The following CYP20A1 variants were observed in gnomAD, a reference collection of about 807,000 sequenced individuals.
CYP20A1 encodes the protein cytochrome P450 family 20 subfamily A member 1, also known as cytochrome P450 20A1.
CYP20A1 carries 61 observed loss-of-function variants against 61.4 expected under a neutral mutation model. That is an observed-to-expected ratio of 0.99 (90% confidence interval 0.81 to 1.23). The LOEUF (loss-of-function observed/expected upper bound fraction) is 1.23. Among genes scored for constraint, CYP20A1 ranks in the 50% most tolerant of loss-of-function variants. The probability of loss-of-function intolerance (pLI) is 0.00; values close to 1 mark genes in which losing one functional copy is unlikely to be tolerated. For missense variants in CYP20A1, 530 were observed against 542.4 expected (o/e 0.98, Z 0.23); for synonymous variants, 193 against 188.2 (o/e 1.03, Z -0.21).
chr2:203,278,540 G>T, intron 6 of CYP20A1, 33 bp from the exon 7 acceptor site: 1 of 1,066,756 alleles, frequency 9.4e-7, no homozygotes, highest in Non-Finnish European at 1.4e-6. Context: ...ACTAATGCTT[G>T]TATTCTAAAA....
Position 203,297,839 on chromosome 2 carries a change from G to A in CYP20A1, c.*931G>A, listed in dbSNP as rs1019781516. The A allele has an allele frequency of 6.6e-6, 1 of 152,116 alleles. No homozygotes were observed. Among genetic ancestry groups the A allele is most frequent in the African/African-American group, 2.4e-5 (1 of 41,372 alleles). The allele number at this position is 152,116 out of a possible 1,614,324, so 9.4% of individuals were successfully genotyped here. A position where few individuals can be genotyped will look rare whatever the true frequency, so the allele number is the denominator to read the frequency against. On this transcript the variant is annotated 3_prime_UTR_variant, in exon 13 of 13. Coordinates refer to ENST00000356079, the MANE Select transcript of CYP20A1 (RefSeq NM_177538.3). ...CTGAAAAACACACACAAAAAAATTA[G>A]CTGGGCATGGTGGCACATGCCTGTA...
At chr2:203,292,766 C>T (rs1243121893) in intron 11 of CYP20A1, among the ~76,000 whole-genome samples, 12 of 152,074 alleles carry the variant, frequency 7.9e-5, no homozygotes, top group Admixed American at 7.2e-4. Context: ...ACCTGCATCC[C>T]CATTATATCT....
chr2:203,267,540 CAA>C (rs78337058), intron 5 of CYP20A1, among the ~76,000 whole-genome samples: 2 of 82,418 alleles, frequency 2.4e-5, no homozygotes. Context: ...TGTCTCACTC[CAA>C]AAAAAAAAAA....
intron 6 of CYP20A1, among the ~76,000 whole-genome samples, chr2:203,277,280 G>A (rs914535680): frequency 1.3e-5 from 2 of 151,330 alleles, no homozygotes; most frequent in African/African-American, 2.4e-5. Flanking sequence ...CCCGGGAGGT[G>A]GAGGTTGCAG....
chr2:203,248,042 A>G (rs2066521678), intron 3 of CYP20A1, among the ~76,000 whole-genome samples: 1 of 152,092 alleles, frequency 6.6e-6, no homozygotes, highest in Non-Finnish European at 1.5e-5. Context: ...TCTGGGCAAC[A>G]TAGTGAGACC....
intron 8 of CYP20A1, 32 bp downstream of exon 8, chr2:203,280,145 A>T: frequency 6.5e-7 from 1 of 1,538,750 alleles, no homozygotes; most frequent in Non-Finnish European, 8.9e-7. Context: ...TTTCAGAGGA[A>T]TTACTAAATA....
At chr2:203,243,542 C>G (rs2066336900) in intron 1 of CYP20A1, among the ~76,000 whole-genome samples, 1 of 151,906 alleles carries the variant, frequency 6.6e-6, no homozygotes, top group Non-Finnish European at 1.5e-5. Context: ...CACTACCACG[C>G]CCTGTTAATT....
At chr2:203,287,998 TC>T (rs2068359978) in intron 9 of CYP20A1, among the ~76,000 whole-genome samples, 1 of 151,152 alleles carries the variant, frequency 6.6e-6, no homozygotes, top group South Asian at 2.1e-4. Flanking sequence ...GTTTTTCTTT[TC>T]TTTTTTTTTT....
chr2:203,282,602 C>T lies in CYP20A1; in HGVS notation c.850+2489C>T, dbSNP rs537921063. 5.3e-4 allele frequency among the ~76,000 whole-genome samples: 81 copies of T among 152,146 alleles called. 2 individuals carry two copies. The South Asian group carries it at 0.016, about 31-fold the overall frequency. On this transcript the variant is annotated intron_variant, in intron 8 of 12. Transcript: ENST00000356079. ...CGGACACCAAGAAAAGTGACTATTT[C>T]CAAGGTTGAATTAATATTTTAATCT...
At chr2:203,296,725 CT>C in intron 12 of CYP20A1, 32 bp from the exon 13 acceptor site, 2 of 1,562,444 alleles carry the variant, frequency 1.3e-6, no homozygotes, top group Non-Finnish European at 1.7e-6. Flanking sequence ...AATTTTTAAT[CT>C]TTAGTAACTA....
intron 3 of CYP20A1, among the ~76,000 whole-genome samples, chr2:203,248,522 A>G (rs543621050): frequency 1.5e-4 from 23 of 152,124 alleles, no homozygotes; most frequent in African/African-American, 5.5e-4. Flanking sequence ...TGACAGAGGG[A>G]GACTCCATCT....
In CYP20A1 at chr2:203,292,133, C is replaced by A. The variant is rs2068563105; in HGVS notation, c.1084-129C>A. On this transcript the variant is annotated intron_variant, in intron 10 of 12. Transcript: ENST00000356079. ...TCACCAAAATAATCACTTGTGGTTTCTTGCATTATTTTTAAATTATTATTT... is the reference window on the plus strand; with the variant it reads ...TCACCAAAATAATCACTTGTGGTTTATTGCATTATTTTTAAATTATTATTT... The A allele has an allele frequency of 5.6e-6, 3 of 532,214 alleles. No individual in the cohort carries two copies. In the African/African-American group the frequency reaches 5.7e-5, roughly 10 times the overall value. 33.0% of individuals were successfully genotyped at this position (532,214 alleles called of 1,614,324 possible). A position where few individuals can be genotyped will look rare whatever the true frequency, so the allele number is the denominator to read the frequency against.
At chr2:203,239,610 C>T (rs1455892741) in intron 1 of CYP20A1, among the ~76,000 whole-genome samples, 1 of 152,222 alleles carries the variant, frequency 6.6e-6, no homozygotes, top group East Asian at 1.9e-4. Flanking sequence ...GTCCATCGAT[C>T]TATCCTGACT....
chr2:203,272,649 T>C (rs750845842), intron 5 of CYP20A1, 21 bp from the exon 6 acceptor site: 10 of 1,522,234 alleles, frequency 6.6e-6, no homozygotes, highest in East Asian at 4.6e-5. Flanking sequence ...ATAATAGTTA[T>C]GTATATTTAC....
chr2:203,270,200 T>C (rs576160800), intron 5 of CYP20A1, among the ~76,000 whole-genome samples: 3 of 152,192 alleles, frequency 2.0e-5, no homozygotes, highest in East Asian at 3.9e-4. Context: ...GTGGAGGTTG[T>C]AGTGAGCCAT....
intron 5 of CYP20A1, among the ~76,000 whole-genome samples, chr2:203,268,096 CT>C (rs2067408431): frequency 6.6e-6 from 1 of 152,136 alleles, no homozygotes; most frequent in African/African-American, 2.4e-5. Context: ...CATCTTCTAT[CT>C]TTATCTATCC....
intron 10 of CYP20A1, among the ~76,000 whole-genome samples, chr2:203,291,141 C>T (rs1422504514): frequency 1.3e-5 from 2 of 152,028 alleles, no homozygotes; most frequent in Non-Finnish European, 2.9e-5. Context: ...GGTGTGATTG[C>T]AGCCTCGACC....
intron 4 of CYP20A1, among the ~76,000 whole-genome samples, chr2:203,258,005 G>GCACAATTATAGCTCACTGGAGCATAGA (rs1455916330): frequency 6.6e-6 from 1 of 151,752 alleles, no homozygotes; most frequent in Non-Finnish European, 1.5e-5. Context: ...GGGCTGAAGG[G>GCACAATTATAGCTCACTGGAGCATAGA]ATCCTCCTGC....
intron 5 of CYP20A1, among the ~76,000 whole-genome samples, chr2:203,269,448 G>A (rs1469398429): frequency 2.0e-5 from 3 of 151,186 alleles, no homozygotes; most frequent in African/African-American, 7.3e-5. Flanking sequence ...CAAAATTTTT[G>A]CCTATCCAGT....
Sources: gnomAD v4.1 joint callset for allele counts (sites outside exome capture counted in the v4.1 genomes callset) on GRCh38, gnomAD v4.1.1 for gene constraint, MANE v1.5 for transcripts, NCBI Gene and HGNC (gene_info 2026-07-23, HGNC 2026-07-21) for gene names.